Variants in SPAG1 observed in about 807,000 individuals in gnomAD.
The protein encoded by SPAG1 is sperm associated antigen 1.
In SPAG1, 69 loss-of-function variants were observed where a neutral mutation model predicts 100.5. The ratio of observed to expected loss-of-function variants is 0.69; its 90% CI spans 0.57 to 0.84. The LOEUF (loss-of-function observed/expected upper bound fraction) is 0.84. SPAG1 is among the 40% of genes least tolerant of loss of function. The pLI is 0.00. For missense variants in SPAG1, 955 were observed against 1,133.1 expected (o/e 0.84, Z 2.26); for synonymous variants, 336 against 411.6 (o/e 0.82, Z 2.22).
intron 8 of SPAG1, among the ~76,000 whole-genome samples, chr8:100,189,498 T>A (rs74723482): frequency 0.051 from 7,439 of 147,168 alleles, 537 homozygotes; most frequent in African/African-American, 0.15. Flanking sequence ...TAATAAATTT[T>A]AAAAAAAATT....
chr8:100,177,046 A>G (rs1816161346), intron 3 of SPAG1, among the ~76,000 whole-genome samples: 1 of 151,586 alleles, frequency 6.6e-6, no homozygotes, highest in Non-Finnish European at 1.5e-5. Context: ...CCAGATCTTA[A>G]TCTCTGGCAC....
intron 4 of SPAG1, among the ~76,000 whole-genome samples, chr8:100,183,155 T>C (rs1816438148): frequency 6.6e-6 from 1 of 152,118 alleles, no homozygotes; most frequent in Non-Finnish European, 1.5e-5. Context: ...GTATTTTTAG[T>C]AGAGACGGGG....
At chr8:100,198,335 T>C (rs998675000) in intron 10 of SPAG1, among the ~76,000 whole-genome samples, 5 of 152,072 alleles carry the variant, frequency 3.3e-5, no homozygotes, top group African/African-American at 9.7e-5. Flanking sequence ...ACGTGTATGT[T>C]AGGCGCCATA....
intron 10 of SPAG1, among the ~76,000 whole-genome samples, chr8:100,212,106 G>A (rs1286316262): frequency 6.6e-6 from 1 of 152,192 alleles, no homozygotes; most frequent in Non-Finnish European, 1.5e-5. Flanking sequence ...CAAATTGGAT[G>A]TTATTCTGCT....
At chr8:100,192,202 C>T (rs748560867) in intron 9 of SPAG1, among the ~76,000 whole-genome samples, 5 of 152,138 alleles carry the variant, frequency 3.3e-5, no homozygotes, top group Non-Finnish European at 5.9e-5. Context: ...CAGTGGCTCA[C>T]GTCTGTAATC....
intron 13 of SPAG1, among the ~76,000 whole-genome samples, chr8:100,220,698 TC>T (rs1254739797): frequency 6.6e-6 from 1 of 152,202 alleles, no homozygotes; most frequent in East Asian, 1.9e-4. Context: ...TTTTTTTTGG[TC>T]TTAGTAACAC....
At chr8:100,176,659 C>T (rs1816132856) in intron 3 of SPAG1, among the ~76,000 whole-genome samples, 4 of 152,190 alleles carry the variant, frequency 2.6e-5, no homozygotes, top group Non-Finnish European at 5.9e-5. Context: ...GCCACCACGC[C>T]CAGCCAGGAA....
intron 3 of SPAG1, among the ~76,000 whole-genome samples, chr8:100,173,192 C>T (rs1473258549): frequency 1.3e-5 from 2 of 151,884 alleles, no homozygotes; most frequent in East Asian, 3.9e-4. Context: ...GCATTCACCA[C>T]CACACTCAGC....
At chr8:100,224,811 T>C (rs1818435447) in intron 13 of SPAG1, among the ~76,000 whole-genome samples, 1 of 152,176 alleles carries the variant, frequency 6.6e-6, no homozygotes, top group Admixed American at 6.5e-5. Flanking sequence ...ACATTATCAA[T>C]TTAGTAATGA....
At chr8:100,161,591 G>A (rs921789599) in intron 1 of SPAG1, among the ~76,000 whole-genome samples, 3 of 151,998 alleles carry the variant, frequency 2.0e-5, no homozygotes, top group African/African-American at 4.8e-5. Flanking sequence ...GACCCACTTA[G>A]GATTAAACAA....
chr8:100,172,780 TA>T (rs1815933636), intron 3 of SPAG1, among the ~76,000 whole-genome samples: 1 of 152,010 alleles, frequency 6.6e-6, no homozygotes. Flanking sequence ...TTTCTGGGGT[TA>T]AAAACAATTT....
rs768167540 is a variant in SPAG1 at position 100,191,365 on chromosome 8, A to G, written c.833-25A>G. ...CATAATGCCACATATTAAAAAACATAACTTTTATATTGGTAAATTTTCAGC... is the reference window on the plus strand; with the variant it reads ...CATAATGCCACATATTAAAAAACATGACTTTTATATTGGTAAATTTTCAGC... On this transcript the variant is annotated intron_variant, in intron 8 of 18. Coordinates refer to ENST00000388798, the MANE Select transcript of SPAG1 (RefSeq NM_003114.5). 1.3e-5 allele frequency: 20 copies of G among 1,516,638 alleles called. No individual in the cohort carries two copies. The Admixed American group carries it at 1.6e-4, about 12-fold the overall frequency. The allele number at this position is 1,516,638 out of a possible 1,614,324, so 93.9% of individuals were successfully genotyped here. A position where few individuals can be genotyped will look rare whatever the true frequency, so the allele number is the denominator to read the frequency against.
At chr8:100,234,355 G>A (rs1054685014) in intron 16 of SPAG1, among the ~76,000 whole-genome samples, 10 of 101,510 alleles carry the variant, frequency 9.9e-5, no homozygotes, top group Non-Finnish European at 1.8e-4. Context: ...AAGGTGGTGT[G>A]TGCTAAAAAA....
At chr8:100,197,541 G>A (rs898085912) in intron 10 of SPAG1, among the ~76,000 whole-genome samples, 1 of 152,174 alleles carries the variant, frequency 6.6e-6, no homozygotes, top group Non-Finnish European at 1.5e-5. Flanking sequence ...TTGGACACAA[G>A]AGAAGCAACC....
chr8:100,212,921 G>T (rs968030988), intron 10 of SPAG1, among the ~76,000 whole-genome samples, 169 bp from the exon 11 acceptor site: 5 of 152,140 alleles, frequency 3.3e-5, no homozygotes, highest in Non-Finnish European at 7.4e-5. Context: ...GGACTGGGCC[G>T]ACTGGCTCTA....
Position 100,206,017 on chromosome 8 carries a change from CAAAAAAAAAAAAAAAAAAAAAA to C in SPAG1, c.1097-7056_1097-7035del, listed in dbSNP as rs574907013. ...CTGGCGACAGAGTGAGACTCTGTCTCAAAAAAAAAAAAAAAAAAAAAAAAAAAAAAAAAAAAAAGAAAGATGC... is the reference window on the plus strand; with the variant it reads ...CTGGCGACAGAGTGAGACTCTGTCTCAAAAAAAAAAAAAAAAGAAAGATGC... On this transcript the variant is annotated intron_variant, in intron 10 of 18. Transcript: ENST00000388798. Among the ~76,000 whole-genome samples the C allele has an allele frequency of 7.5e-4, 58 of 77,344 alleles. 1 individual carries two copies. Among genetic ancestry groups the C allele is most frequent in the South Asian group, 1.5e-3 (3 of 2,048 alleles). 50.7% of individuals were successfully genotyped at this position (77,344 alleles called of 152,430 possible).
rs567586787 is a variant in SPAG1, at chr8:100,168,958, A to G, written c.300+2985A>G. On this transcript the variant is annotated intron_variant, in intron 3 of 18. Coordinates refer to ENST00000388798, the MANE Select transcript of SPAG1 (RefSeq NM_003114.5). ...CATCTCGGCCTCCCAAAGTGCGGGG[A>G]TTACAGGTGTGAGCCACCACGCCCG... is the stretch of plus-strand genomic sequence containing the variant. Among the ~76,000 whole-genome samples the G allele has an allele frequency of 1.8e-4, 28 of 151,828 alleles. 1 individual carries two copies. Among genetic ancestry groups the G allele is most frequent in the Middle Eastern group, 3.4e-3 (1 of 294 alleles).
chr8:100,241,064 C>T lies in SPAG1; in HGVS notation c.*42C>T, dbSNP rs1319134311. On this transcript the variant is annotated 3_prime_UTR_variant, in exon 19 of 19. Coordinates refer to ENST00000388798, the MANE Select transcript of SPAG1 (RefSeq NM_003114.5). This position sits in a 1 kb window ranked among gnomAD's most constrained non-coding sequence, Gnocchi z 5.1. ...GATTTCTTCCATGCATGTATGTGTT[C>T]CAGGAATGTTAATGAGATGGTATTG... 6.3e-7 allele frequency: 1 copy of T among 1,592,156 alleles called. No homozygotes were observed. The highest frequency in any genetic ancestry group is 2.2e-5 in the East Asian group (1 of 44,540).
At chr8:100,211,355 C>T (rs1425657672) in intron 10 of SPAG1, among the ~76,000 whole-genome samples, 1 of 152,188 alleles carries the variant, frequency 6.6e-6, no homozygotes, top group Non-Finnish European at 1.5e-5. Flanking sequence ...GCTTTGCATT[C>T]AGTTCAAATC....
Sources: gnomAD v4.1 joint callset for allele counts (sites outside exome capture counted in the v4.1 genomes callset) on GRCh38, gnomAD v4.1.1 for gene constraint, Gnocchi (gnomAD v3.1) non-coding constraint, MANE v1.5 for transcripts, NCBI Gene and HGNC (gene_info 2026-07-23, HGNC 2026-07-21) for gene names.